Variants in AKR1B15 observed in about 807,000 individuals in gnomAD.
AKR1B15 encodes aldo-keto reductase family 1 member B15.
Under a neutral mutation model 38.5 loss-of-function variants are expected in AKR1B15, and 49 were observed. That is an observed-to-expected ratio of 1.27 (90% CI 1.01 to 1.62). The LOEUF is 1.62. AKR1B15 is among the 40% of genes most tolerant of loss of function. The pLI, the probability that AKR1B15 is intolerant of heterozygous loss-of-function variation, is 0.00. For missense variants in AKR1B15, 411 were observed against 381.6 expected, an observed-to-expected ratio of 1.08 and a Z score of -0.64; for synonymous variants, 137 against 135.5, an observed-to-expected ratio of 1.01 and a Z score of -0.08.
chr7:134,562,131 G>A (rs994065419), intron 2 of AKR1B15, among the ~76,000 whole-genome samples: 10 of 152,102 alleles, frequency 6.6e-5, no homozygotes, highest in African/African-American at 2.4e-4. Context: ...TTACAGACAT[G>A]TGCCACTGTG....
intron 3 of AKR1B15, 72 bp downstream of exon 3, chr7:134,564,841 G>C (rs546791911): frequency 1.9e-5 from 10 of 537,598 alleles, no homozygotes; most frequent in African/African-American, 1.3e-4. Flanking sequence ...GGGGGATTGA[G>C]AGGTGAAGCC....
chr7:134,568,475 T>C lies in AKR1B15; in HGVS notation c.318+150T>C, dbSNP rs1794593291. On this transcript the variant is annotated intron_variant, in intron 4 of 11. Transcript: ENST00000457545. ...ACATCCGTGGATACAATACTATCCA[T>C]ACTCCAAGCCGTTATTGATATTTGA... 2.4e-6 allele frequency: 3 copies of C among 1,249,580 alleles called. No homozygotes were observed. In the Admixed American group the frequency reaches 7.5e-5, roughly 31 times the overall value. 77.4% of individuals were successfully genotyped at this position (1,249,580 alleles called of 1,614,324 possible).
chr7:134,576,476 A>G (rs752839569), intron 9 of AKR1B15, 46 bp downstream of exon 9: 1 of 1,599,596 alleles, frequency 6.3e-7, no homozygotes, highest in Non-Finnish European at 8.6e-7. Flanking sequence ...TCATGCTTCC[A>G]GTCTCATGTT....
intron 7 of AKR1B15, 81 bp downstream of exon 7, chr7:134,575,623 C>T: frequency 1.3e-6 from 2 of 1,592,146 alleles, no homozygotes; most frequent in Non-Finnish European, 1.7e-6. Flanking sequence ...AATGCTATGC[C>T]CTGAGTCTTA....
chr7:134,562,336 G>A (rs573817119), intron 2 of AKR1B15, among the ~76,000 whole-genome samples: 22 of 152,296 alleles, frequency 1.4e-4, no homozygotes, highest in African/African-American at 4.3e-4. Context: ...TTGCCTAAGC[G>A]TTGCTGCTGG....
intron 11 of AKR1B15, among the ~76,000 whole-genome samples, chr7:134,578,421 CAAG>C (rs1462395637): frequency 6.6e-6 from 1 of 152,150 alleles, no homozygotes; most frequent in Non-Finnish European, 1.5e-5. Context: ...AGCATTCAAG[CAAG>C]AAGGCCAGGG....
intron 6 of AKR1B15, among the ~76,000 whole-genome samples, chr7:134,574,914 G>A (rs1240258095): frequency 2.0e-5 from 3 of 152,144 alleles, no homozygotes; most frequent in Non-Finnish European, 4.4e-5. Flanking sequence ...GGTTGGTGTG[G>A]GAGACAGTGA....
intron 1 of AKR1B15, among the ~76,000 whole-genome samples, chr7:134,551,839 A>G (rs1346999841): frequency 1.3e-5 from 2 of 152,210 alleles, no homozygotes; most frequent in Non-Finnish European, 2.9e-5. Flanking sequence ...TGCCCATTAA[A>G]GCCAGAGGAG....
intron 3 of AKR1B15, among the ~76,000 whole-genome samples, chr7:134,567,583 G>A (rs1434907783): frequency 1.3e-5 from 2 of 152,116 alleles, no homozygotes; most frequent in African/African-American, 2.4e-5. Flanking sequence ...AAGGTTTAGA[G>A]AGATTGAATC....
At chr7:134,564,282 T>C (rs1337918173) in intron 2 of AKR1B15, among the ~76,000 whole-genome samples, 2 of 152,206 alleles carry the variant, frequency 1.3e-5, no homozygotes, top group African/African-American at 2.4e-5. Flanking sequence ...CAGTTCTAAA[T>C]AGACTCTTTG....
chr7:134,571,812 A>G (rs1794675292), intron 6 of AKR1B15, 131 bp downstream of exon 6: 3 of 755,592 alleles, frequency 4.0e-6, no homozygotes, highest in East Asian at 5.0e-5. Context: ...AGCTCTTCTA[A>G]TATCCTCCTC....
chr7:134,560,097 G>A (rs1051080599), intron 2 of AKR1B15, among the ~76,000 whole-genome samples: 1 of 142,528 alleles, frequency 7.0e-6, no homozygotes, highest in African/African-American at 2.6e-5. Flanking sequence ...GACAGAGCGA[G>A]ACTCCACCTA....
chr7:134,579,667 G>A lies in AKR1B15; in HGVS notation c.*118G>A. The stretch of plus-strand genomic sequence containing the variant: ...CTGAGATCACAGTGAACTTTGTCCT[G>A]TTGTAGACCAGAATGGAGGTGCTGT... On this transcript the variant is annotated 3_prime_UTR_variant, in exon 12 of 12. Transcript: ENST00000457545. The A allele has an allele frequency of 1.1e-6, 1 of 894,188 alleles. No homozygotes were observed. The highest frequency in any genetic ancestry group is 2.7e-5 in the East Asian group (1 of 37,570). 55.4% of individuals were successfully genotyped at this position (894,188 alleles called of 1,614,324 possible).
At chr7:134,560,197 G>A (rs1453836229) in intron 2 of AKR1B15, among the ~76,000 whole-genome samples, 1 of 152,118 alleles carries the variant, frequency 6.6e-6, no homozygotes, top group African/African-American at 2.4e-5. Context: ...CCCCGTCCTG[G>A]CCTTGAGACT....
rs1794584459 is a variant in AKR1B15, at chr7:134,568,187, G to A, written c.180G>A (p.Val60=). The change falls in exon 4 of 12, where the codon GTG becomes GTA. Residue 60 remains valine, a synonymous_variant. Coordinates refer to ENST00000457545, the MANE Select transcript of AKR1B15 (RefSeq NM_001080538.3). ...TTCTCGGCAAAGTGAAAGAAGCGGT[G>A]AAGGTGGCCATTGATGCAGAATATC... The part of the protein sequence containing the change: ...ASLLGKVKEA[V]KVAIDAEYRH... 2 of 1,614,116 alleles carry A rather than the reference G, an allele frequency of 1.2e-6. No homozygotes were observed. The highest frequency in any genetic ancestry group is 1.7e-5 in the Admixed American group (1 of 60,030).
intron 6 of AKR1B15, among the ~76,000 whole-genome samples, chr7:134,573,143 G>T (rs1362756139): frequency 1.3e-5 from 2 of 152,148 alleles, no homozygotes; most frequent in Non-Finnish European, 2.9e-5. Context: ...CCATTCTCCT[G>T]CCTTGGCCTT....
At chr7:134,560,997 T>A (rs536922034) in intron 2 of AKR1B15, among the ~76,000 whole-genome samples, 1 of 152,338 alleles carries the variant, frequency 6.6e-6, no homozygotes, top group Admixed American at 6.5e-5. Flanking sequence ...TACACATAGT[T>A]TACTGTGGCA....
At chr7:134,569,571 T>A in intron 5 of AKR1B15, 42 bp downstream of exon 5, 1 of 1,606,058 alleles carries the variant, frequency 6.2e-7, no homozygotes, top group African/African-American at 1.3e-5. Flanking sequence ...TTCTGAGCTG[T>A]TGCAGGAATT....
chr7:134,568,430 T>G, intron 4 of AKR1B15, 105 bp downstream of exon 4: 1 of 1,471,188 alleles, frequency 6.8e-7, no homozygotes, highest in South Asian at 1.3e-5. Context: ...CGTGTACCCG[T>G]TTTCATCTCT....
Sources: allele counts gnomAD v4.1 joint callset (sites outside exome capture counted in the v4.1 genomes callset), GRCh38; gene constraint gnomAD v4.1.1; transcripts MANE v1.5; gene names NCBI Gene and HGNC (gene_info 2026-07-23, HGNC 2026-07-21).